The following RPF2 variants were observed in gnomAD, a reference collection of about 807,000 sequenced individuals.
The protein encoded by RPF2 is ribosome production factor 2 homolog, also known as brix domain containing 1.
RPF2 carries 21 observed loss-of-function variants against 38.9 expected under a neutral mutation model. That is an observed-to-expected ratio of 0.54 (90% CI 0.38 to 0.78). The LOEUF is 0.78. Among genes scored for constraint, RPF2 ranks in the 30% least tolerant of loss-of-function variants. The pLI is 0.00. For synonymous variants in RPF2, 121 were observed against 126.2 expected, an observed-to-expected ratio of 0.96 and a Z score of 0.28; for missense variants, 314 against 358.1, an observed-to-expected ratio of 0.88 and a Z score of 0.99.
chr6:111,007,656 C>T (rs1364308095), intron 6 of RPF2, among the ~76,000 whole-genome samples: 1 of 152,022 alleles, frequency 6.6e-6, no homozygotes, highest in African/African-American at 2.4e-5. Flanking sequence ...ACTTTAAAAT[C>T]AGTATAGGCC....
intron 1 of RPF2, among the ~76,000 whole-genome samples, chr6:110,983,869 A>C (rs1214706636): frequency 6.6e-6 from 1 of 152,018 alleles, no homozygotes; most frequent in Non-Finnish European, 1.5e-5. Flanking sequence ...CTGTACTAAA[A>C]ATACAAAAAA....
chr6:111,014,041 T>C (rs1458835291), intron 7 of RPF2, among the ~76,000 whole-genome samples: 1 of 151,884 alleles, frequency 6.6e-6, no homozygotes, highest in Non-Finnish European at 1.5e-5. Flanking sequence ...TTAGTTTTTT[T>C]TTTTTCTTGT....
At chr6:111,019,917 C>CTT (rs763096502) in intron 8 of RPF2, among the ~76,000 whole-genome samples, 10,730 of 148,756 alleles carry the variant, frequency 0.072, 1,016 homozygotes, top group East Asian at 0.5. Flanking sequence ...TCTTTTCTTT[C>CTT]TTTTGTTTTT....
chr6:110,991,457 G>A (rs1771619381), intron 3 of RPF2, among the ~76,000 whole-genome samples: 1 of 149,250 alleles, frequency 6.7e-6, no homozygotes. Flanking sequence ...ATCCGTGGTT[G>A]GTCAAATCAA....
At chr6:111,002,571 G>A (rs533142211) in intron 6 of RPF2, among the ~76,000 whole-genome samples, 45 of 152,000 alleles carry the variant, frequency 3.0e-4, no homozygotes, top group South Asian at 4.1e-4. Flanking sequence ...GAGTTCAAGC[G>A]ATCCTCCCGC....
chr6:110,999,869 A>G (rs1771784365), intron 6 of RPF2, 82 bp downstream of exon 6: 4 of 713,962 alleles, frequency 5.6e-6, no homozygotes, highest in Non-Finnish European at 9.9e-6. Flanking sequence ...GAGTACTGAT[A>G]GAGTTTTGTA....
intron 7 of RPF2, among the ~76,000 whole-genome samples, chr6:111,012,082 T>G (rs1353877042): frequency 6.6e-6 from 1 of 152,046 alleles, no homozygotes; most frequent in Admixed American, 6.5e-5. Flanking sequence ...TTTTTTTTTT[T>G]TTCTTAATTG....
chr6:111,012,518 T>C (rs1772037779), intron 7 of RPF2, among the ~76,000 whole-genome samples: 1 of 152,008 alleles, frequency 6.6e-6, no homozygotes, highest in Non-Finnish European at 1.5e-5. Context: ...TTAAAAAAAT[T>C]TGGAGTAGAG....
chr6:111,007,311 T>C (rs1771926580), intron 6 of RPF2, among the ~76,000 whole-genome samples: 1 of 152,248 alleles, frequency 6.6e-6, no homozygotes, highest in African/African-American at 2.4e-5. Flanking sequence ...TTTTATTCTT[T>C]GCGTAGACTA....
intron 6 of RPF2, among the ~76,000 whole-genome samples, chr6:111,002,822 A>G (rs965204132): frequency 1.3e-5 from 2 of 151,386 alleles, no homozygotes; most frequent in Non-Finnish European, 2.9e-5. Context: ...AGGCAGGAGT[A>G]CAGTGGCATG....
At chr6:110,994,168 C>T (rs574899849) in intron 4 of RPF2, among the ~76,000 whole-genome samples, 2 of 151,904 alleles carry the variant, frequency 1.3e-5, no homozygotes, top group East Asian at 3.9e-4. Flanking sequence ...TCCAGCTACT[C>T]GGGAGGTGAG....
Position 110,997,179 on chromosome 6 carries a change from A to T in RPF2, c.235-4A>T, listed in dbSNP as rs73763466. The T allele has an allele frequency of 0.042, 65,472 of 1,553,802 alleles. 1,582 individuals carry two copies. The highest frequency in any genetic ancestry group is 0.073 in the Middle Eastern group (406 of 5,532). On this transcript the variant is annotated splice_polypyrimidine_tract_variant and splice_region_variant and intron_variant, in intron 4 of 9. Transcript: ENST00000441448. Reference sequence around the variant, plus strand: ...GACTAAATGGGATTTATTTGGTTTTATAGGAATTCTTTTCAAAGAAGTCAG... The same window carrying T: ...GACTAAATGGGATTTATTTGGTTTTTTAGGAATTCTTTTCAAAGAAGTCAG...
At chr6:111,001,744 T>C (rs1373093891) in intron 6 of RPF2, among the ~76,000 whole-genome samples, 1 of 152,188 alleles carries the variant, frequency 6.6e-6, no homozygotes, top group African/African-American at 2.4e-5. Context: ...GCCACTAGCT[T>C]ATCACCAGCT....
Position 110,990,623 on chromosome 6 carries a change from C to G in RPF2, c.195-1124C>G, listed in dbSNP as rs920521894. ...AGTATGAGACGGAGTCTCACTCTTT[C>G]ACCCAGCCTGGAGTGCAGTGGTGCG... is the stretch of plus-strand genomic sequence containing the variant. On this transcript the variant is annotated intron_variant, in intron 3 of 9. Transcript: ENST00000441448. Among the ~76,000 whole-genome samples, 3 of 132,758 alleles carry G rather than the reference C, an allele frequency of 2.3e-5. No homozygotes were observed. In the Admixed American group the frequency reaches 2.9e-4, roughly 13 times the overall value. 87.1% of individuals were successfully genotyped at this position (132,758 alleles called of 152,430 possible).
chr6:111,002,064 G>T (rs112699525), intron 6 of RPF2, among the ~76,000 whole-genome samples: 13,966 of 152,198 alleles, frequency 0.092, 729 homozygotes, highest in African/African-American at 0.13. Context: ...CAGATCACCT[G>T]AGCTCAGGAG....
chr6:111,016,991 G>T (rs571158207), intron 8 of RPF2, among the ~76,000 whole-genome samples: 1 of 152,094 alleles, frequency 6.6e-6, no homozygotes, highest in Non-Finnish European at 1.5e-5. Flanking sequence ...AGAGAGCACC[G>T]GCTTGGGGGT....
intron 6 of RPF2, among the ~76,000 whole-genome samples, chr6:111,007,256 ATGTTTTGTTT>A (rs916458740): frequency 6.6e-6 from 1 of 152,046 alleles, no homozygotes; most frequent in Non-Finnish European, 1.5e-5. Flanking sequence ...GTGTTGTGTT[ATGTTTTGTTT>A]TGTTTTGTTT....
Position 110,982,174 on chromosome 6 carries a change from G to A in RPF2, c.23+45G>A, listed in dbSNP as rs750848333. 21 of 1,609,420 alleles carry A rather than the reference G, an allele frequency of 1.3e-5. No individual in the cohort carries two copies. The South Asian group carries it at 2.2e-4, about 17-fold the overall frequency. Reference sequence around the variant, plus strand: ...GCCCCGGGGAGCGTTGGGGTGAAAGGGTCCCGTGATGAGGGTGGTACTGTC... The same window carrying A: ...GCCCCGGGGAGCGTTGGGGTGAAAGAGTCCCGTGATGAGGGTGGTACTGTC... On this transcript the variant is annotated intron_variant, in intron 1 of 9. Coordinates refer to ENST00000441448, the MANE Select transcript of RPF2 (RefSeq NM_032194.3).
Position 111,025,648 on chromosome 6 carries a change from A to G in RPF2, c.*66A>G. The G allele has an allele frequency of 3.4e-6, 4 of 1,168,598 alleles. No homozygotes were observed. Among genetic ancestry groups the G allele is most frequent in the Non-Finnish European group, 4.8e-6 (4 of 829,646 alleles). 72.4% of individuals were successfully genotyped at this position (1,168,598 alleles called of 1,614,324 possible). On this transcript the variant is annotated 3_prime_UTR_variant, in exon 10 of 10. Transcript: ENST00000441448. ...TAAGAGAATTATCAAGCGTCAATCC[A>G]TTCAGAGTTTCTTATAAGATCTTAT...
Sources: gnomAD v4.1 joint callset for allele counts (sites outside exome capture counted in the v4.1 genomes callset) on GRCh38, gnomAD v4.1.1 for gene constraint, MANE v1.5 for transcripts, NCBI Gene and HGNC (gene_info 2026-07-23, HGNC 2026-07-21) for gene names.